The following EXOC8 variants were observed in gnomAD, a reference collection of about 807,000 sequenced individuals.
EXOC8 encodes exocyst complex 84 kDa subunit.
In EXOC8, 19 loss-of-function variants were observed where a neutral mutation model predicts 50.8. The ratio of observed to expected loss-of-function variants is 0.37; its 90% CI spans 0.26 to 0.55. The LOEUF (loss-of-function observed/expected upper bound fraction) is 0.55. Among genes scored for constraint, EXOC8 ranks in the 20% least tolerant of loss-of-function variants. The probability of loss-of-function intolerance (pLI) is 0.80; values close to 1 mark genes in which losing one functional copy is unlikely to be tolerated. For missense variants in EXOC8, 781 were observed against 915.8 expected (o/e 0.85, Z 1.90); for synonymous variants, 384 against 367.9 (o/e 1.04, Z -0.50).
In EXOC8 at chr1:231,336,768, C is replaced by T. The variant is rs200538583; in HGVS notation, c.978G>A (p.Glu326=). The T allele has an allele frequency of 5.3e-5, 86 of 1,614,068 alleles. No individual in the cohort carries two copies. The highest frequency in any genetic ancestry group is 1.6e-4 in the Middle Eastern group (1 of 6,084). ...CCATGGAGAGGTCCACCTTCTCTTC[C>T]TCTACCTCAGGAACAGCTGGTTCTT... ...EEEEPAVPEV[E]EEKVDLSMEW... The change falls in exon 1 of 1, where the codon GAG becomes GAA. Residue 326 remains glutamate (E), a synonymous_variant. Transcript: ENST00000366645. The surrounding 1 kb of genome is among the most constrained non-coding windows in gnomAD (Gnocchi z 5.4).
At position 231,337,266 on chromosome 1, in the gene EXOC8, G is replaced by A. The variant is rs1477727946; in HGVS notation, c.480C>T (p.Arg160=). 1 of 1,609,462 alleles carries A rather than the reference G, an allele frequency of 6.2e-7. No individual in the cohort carries two copies. Among genetic ancestry groups the A allele is most frequent in the South Asian group, 1.1e-5 (1 of 91,078 alleles). ...GSGPGEEGKQ[R]TLTTLLEKVE... ...CCTTCTCAAGCAGGGTGGTGAGAGT[G>A]CGCTGCTTTCCTTCCTCGCCTGGAC... Residue 160 remains arginine (R), a synonymous_variant, in exon 1 of 1, where the codon CGC becomes CGT. Transcript: ENST00000366645. The surrounding 1 kb of genome is among the most constrained non-coding windows in gnomAD (Gnocchi z 5.9).
Position 231,336,488 on chromosome 1 carries a change from G to A in EXOC8, c.1258C>T (p.Arg420Trp). The A allele has an allele frequency of 6.2e-7, 1 of 1,613,626 alleles. No homozygotes were observed. Among genetic ancestry groups the A allele is most frequent in the South Asian group, 1.1e-5 (1 of 91,016 alleles). ...ATRRAVSQLI[R>W]LGQCTKACEL... ...CAGGCCTTCGTGCACTGGCCCAGCCGGATCAGTTGCGAAACTGCTCTGCGA... is the reference window on the plus strand; with the variant it reads ...CAGGCCTTCGTGCACTGGCCCAGCCAGATCAGTTGCGAAACTGCTCTGCGA... The change falls in exon 1 of 1, where the codon CGG becomes TGG. Residue 420 changes from arginine (R) to tryptophan (W), a missense_variant. Transcript: ENST00000366645. The surrounding 1 kb of genome is among the most constrained non-coding windows in gnomAD (Gnocchi z 5.4).
chr1:231,337,846 C>G lies in EXOC8; in HGVS notation c.-101G>C, dbSNP rs1686723301. ...CAACCGAGCTCCTGGGCTGAGGAAG[C>G]AGGAATGGGAACGAGACGAGTACGC... On this transcript the variant is annotated 5_prime_UTR_variant, in exon 1 of 1. Coordinates refer to ENST00000366645, the MANE Select transcript of EXOC8 (RefSeq NM_175876.5). The surrounding 1 kb of genome is among the most constrained non-coding windows in gnomAD (Gnocchi z 5.9). 6.9e-7 allele frequency: 1 copy of G among 1,445,134 alleles called. No individual in the cohort carries two copies. The highest frequency in any genetic ancestry group is 1.4e-5 in the African/African-American group (1 of 69,756). 89.5% of individuals were successfully genotyped at this position (1,445,134 alleles called of 1,614,324 possible).
chr1:231,335,884 G>C lies in EXOC8; in HGVS notation c.1862C>G (p.Thr621Ser), dbSNP rs1382036983. The C allele has an allele frequency of 5.0e-6, 8 of 1,614,150 alleles. No individual in the cohort carries two copies. The highest frequency in any genetic ancestry group is 6.8e-6 in the Non-Finnish European group (8 of 1,180,028). Residue 621 changes from threonine (T) to serine (S), a missense_variant, in exon 1 of 1, where the codon ACC (threonine) becomes AGC (serine). By Grantham distance (58) the Thr-to-Ser change is moderately conservative. This residue lies in a region of EXOC8 where 700 missense variants were observed against 804.1 expected (regional missense o/e 0.87). Coordinates refer to ENST00000366645, the MANE Select transcript of EXOC8 (RefSeq NM_175876.5). ...VNLSYTVVAFTKQTMGFLEEA... is the reference protein window; with the variant it reads ...VNLSYTVVAFSKQTMGFLEEA... ...TTCCAAGAAGCCCATGGTCTGTTTG[G>C]TGAAAGCAACCACTGTGTAACTTAG...
Position 231,336,001 on chromosome 1 carries a change from G to A in EXOC8, c.1745C>T (p.Thr582Met), listed in dbSNP as rs764776171. The A allele has an allele frequency of 6.2e-7, 1 of 1,614,170 alleles. No individual in the cohort carries two copies. The highest frequency in any genetic ancestry group is 8.5e-7 in the Non-Finnish European group (1 of 1,180,036). Reference sequence around the variant, plus strand: ...TTTGAGCTTACCCAGGGCTTCTGGCGTCATCAAGTTCATCCTCCTCCACAT... The same window carrying A: ...TTTGAGCTTACCCAGGGCTTCTGGCATCATCAAGTTCATCCTCCTCCACAT... ...EEMWRRMNLM[T>M]PEALGKLKEE... Residue 582 changes from threonine (T) to methionine (M), a missense_variant, in exon 1 of 1, where the codon ACG (threonine) becomes ATG (methionine). By Grantham distance (81) the Thr-to-Met change is moderately conservative. Transcript: ENST00000366645. This position sits in a 1 kb window ranked among gnomAD's most constrained non-coding sequence, Gnocchi z 5.4.
In EXOC8 at chr1:231,335,919, G is replaced by A. The variant is rs1350163494; in HGVS notation, c.1827C>T (p.Cys609=). 6.2e-7 allele frequency: 1 copy of A among 1,614,164 alleles called. No individual in the cohort carries two copies. The highest frequency in any genetic ancestry group is 1.6e-4 in the Middle Eastern group (1 of 6,062). Residue 609 remains cysteine, a synonymous_variant, in exon 1 of 1, where the codon TGC becomes TGT. Transcript: ENST00000366645. ...SNFEQYTGDD[C]WVNLSYTVVA... ...CCACTGTGTAACTTAGGTTCACCCAGCAGTCATCCCCTGTGTACTGCTCAA... is the reference window on the plus strand; with the variant it reads ...CCACTGTGTAACTTAGGTTCACCCAACAGTCATCCCCTGTGTACTGCTCAA...
At position 231,337,054 on chromosome 1, in the gene EXOC8, TAGAG is replaced by T; in HGVS notation, c.688_691del (p.Leu230IlefsTer3). On this transcript the variant is annotated frameshift_variant, in exon 1 of 1. Coordinates refer to ENST00000366645, the MANE Select transcript of EXOC8 (RefSeq NM_175876.5). LOFTEE classifies it high-confidence loss of function. The surrounding 1 kb of genome is among the most constrained non-coding windows in gnomAD (Gnocchi z 5.9). ...GACTACGGCCAAACCATCTAGGGAA[TAGAG>T]AGCGTTGTAGCGATACATCCCACGC... 1.9e-6 allele frequency: 3 copies of T among 1,613,988 alleles called. No homozygotes were observed. Among genetic ancestry groups the T allele is most frequent in the Non-Finnish European group, 2.5e-6 (3 of 1,180,014 alleles).
chr1:231,336,717 G>A lies in EXOC8; in HGVS notation c.1029C>T (p.Asp343=), dbSNP rs2102855414. 1 of 1,614,196 alleles carries A rather than the reference G, an allele frequency of 6.2e-7. No individual in the cohort carries two copies. Among genetic ancestry groups the A allele is most frequent in the South Asian group, 1.1e-5 (1 of 91,084 alleles). The change falls in exon 1 of 1, where the codon GAC becomes GAT. Residue 343 remains aspartate (D), a synonymous_variant. Coordinates refer to ENST00000366645, the MANE Select transcript of EXOC8 (RefSeq NM_175876.5). The surrounding 1 kb of genome is among the most constrained non-coding windows in gnomAD (Gnocchi z 5.4). ...SMEWIQELPE[D]LDVCIAQRDF... ...CTCTCTGCGCAATGCAGACATCCAG[G>A]TCTTCAGGTAACTCCTGGATCCATT...
At position 231,334,975 on chromosome 1, in the gene EXOC8, A is replaced by G. The variant is rs942357963; in HGVS notation, c.*593T>C. On this transcript the variant is annotated 3_prime_UTR_variant, in exon 1 of 1. Coordinates refer to ENST00000366645, the MANE Select transcript of EXOC8 (RefSeq NM_175876.5). ...AAACTTCACAACATAAACTCTATGT[A>G]TTTATAGATATTATGACTGCTGTAT... is the stretch of plus-strand genomic sequence containing the variant. 2 of 152,180 alleles carry G rather than the reference A, an allele frequency of 1.3e-5. No homozygotes were observed. The highest frequency in any genetic ancestry group is 1.3e-4 in the Admixed American group (2 of 15,256). The allele number at this position is 152,180 out of a possible 1,614,324, so 9.4% of individuals were successfully genotyped here. A position where few individuals can be genotyped will look rare whatever the true frequency, so the allele number is the denominator to read the frequency against.
Position 231,332,789 on chromosome 1 carries a change from A to C in EXOC8, c.*2779T>G, listed in dbSNP as rs1040787543. The C allele has an allele frequency of 6.6e-6, 1 of 152,214 alleles. No individual in the cohort carries two copies. Among genetic ancestry groups the C allele is most frequent in the African/African-American group, 2.4e-5 (1 of 41,460 alleles). 9.4% of individuals were successfully genotyped at this position (152,214 alleles called of 1,614,324 possible). A position where few individuals can be genotyped will look rare whatever the true frequency, so the allele number is the denominator to read the frequency against. Reference sequence around the variant, plus strand: ...ACAATTTTTAAGCTTTATTTTTATGAAACATTTCAGATTCCCTCATATCAC... The same window carrying C: ...ACAATTTTTAAGCTTTATTTTTATGCAACATTTCAGATTCCCTCATATCAC... On this transcript the variant is annotated 3_prime_UTR_variant, in exon 1 of 1. Transcript: ENST00000366645.
rs746491638 is a variant in EXOC8, at chr1:231,337,510, TAGG to T, written c.233_235del (p.Ser78del). Reference sequence around the variant, plus strand: ...GAGCTGGTACATCTCGCTCTCCAGGTAGGAGATCTCGCGGGCCGTCTCTATGAA... The same window carrying T: ...GAGCTGGTACATCTCGCTCTCCAGGTAGATCTCGCGGGCCGTCTCTATGAA... On this transcript the variant is annotated inframe_deletion, in exon 1 of 1. Coordinates refer to ENST00000366645, the MANE Select transcript of EXOC8 (RefSeq NM_175876.5). This position sits in a 1 kb window ranked among gnomAD's most constrained non-coding sequence, Gnocchi z 5.9. 1 of 1,613,438 alleles carries T rather than the reference TAGG, an allele frequency of 6.2e-7. No homozygotes were observed. The highest frequency in any genetic ancestry group is 2.2e-5 in the East Asian group (1 of 44,864).
Position 231,335,673 on chromosome 1 carries a change from T to C in EXOC8, c.2073A>G (p.Lys691=). The change falls in exon 1 of 1, where the codon AAA becomes AAG. Residue 691 remains lysine, a synonymous_variant. Coordinates refer to ENST00000366645, the MANE Select transcript of EXOC8 (RefSeq NM_175876.5). ...LYETVLPVVE[K]RFEEGVGKPA... is the part of the protein sequence containing the mutation. Reference sequence around the variant, plus strand: ...GTTTCCCCACACCTTCTTCAAACCTTTTCTCCACCACAGGGAGGACTGTTT... The same window carrying C: ...GTTTCCCCACACCTTCTTCAAACCTCTTCTCCACCACAGGGAGGACTGTTT... 1 of 1,614,192 alleles carries C rather than the reference T, an allele frequency of 6.2e-7. No homozygotes were observed. The highest frequency in any genetic ancestry group is 8.5e-7 in the Non-Finnish European group (1 of 1,180,028).
In EXOC8 at chr1:231,334,215, CTTCTT is replaced by C. The variant is rs930817913; in HGVS notation, c.*1348_*1352del. 1.3e-5 allele frequency: 2 copies of C among 152,162 alleles called. No individual in the cohort carries two copies. The highest frequency in any genetic ancestry group is 4.8e-5 in the African/African-American group (2 of 41,442). The allele number at this position is 152,162 out of a possible 1,614,324, so 9.4% of individuals were successfully genotyped here. A position where few individuals can be genotyped will look rare whatever the true frequency, so the allele number is the denominator to read the frequency against. ...CATTTTAGGAGTCACAGAAGGTTCT[CTTCTT>C]CCCTTTGTTTTGGGCACATTGTCTC... On this transcript the variant is annotated 3_prime_UTR_variant, in exon 1 of 1. Transcript: ENST00000366645.
In EXOC8 at chr1:231,337,623, G is replaced by A. The variant is rs1686713331; in HGVS notation, c.123C>T (p.Leu41=). 1.2e-6 allele frequency: 2 copies of A among 1,611,620 alleles called. No individual in the cohort carries two copies. The highest frequency in any genetic ancestry group is 8.5e-7 in the Non-Finnish European group (1 of 1,179,994). ...LSQQSDGDRD[L]QEHRQRIQAL... is the part of the protein sequence containing the mutation. ...CCTGGATGCGCTGCCGGTGCTCCTGGAGGTCCCGGTCCCCATCCGACTGCT... is the reference window on the plus strand; with the variant it reads ...CCTGGATGCGCTGCCGGTGCTCCTGAAGGTCCCGGTCCCCATCCGACTGCT... The change falls in exon 1 of 1, where the codon CTC becomes CTT. Residue 41 remains leucine (L), a synonymous_variant. Coordinates refer to ENST00000366645, the MANE Select transcript of EXOC8 (RefSeq NM_175876.5). The surrounding 1 kb of genome is among the most constrained non-coding windows in gnomAD (Gnocchi z 5.9).
chr1:231,336,663 A>G lies in EXOC8; in HGVS notation c.1083T>C (p.Asp361=). 1 of 1,614,160 alleles carries G rather than the reference A, an allele frequency of 6.2e-7. No homozygotes were observed. The highest frequency in any genetic ancestry group is 8.5e-7 in the Non-Finnish European group (1 of 1,180,036). The part of the protein sequence containing the change: ...RDFEGAVDLL[D]KLNHYLEDKP... ...TATCTTCCAGGTAATGGTTCAATTTATCCAGCAGGTCAACCGCCCCTTCAA... is the reference window on the plus strand; with the variant it reads ...TATCTTCCAGGTAATGGTTCAATTTGTCCAGCAGGTCAACCGCCCCTTCAA... The change falls in exon 1 of 1, where the codon GAT becomes GAC. Residue 361 remains aspartate, a synonymous_variant. Coordinates refer to ENST00000366645, the MANE Select transcript of EXOC8 (RefSeq NM_175876.5). The surrounding 1 kb of genome is among the most constrained non-coding windows in gnomAD (Gnocchi z 5.4).
Position 231,336,987 on chromosome 1 carries a change from C to G in EXOC8, c.759G>C (p.Leu253=), listed in dbSNP as rs775884170. The part of the protein sequence containing the change: ...DNPPMKDMFK[L]LMFPESRIFQ... ...AAATACGGCTCTCGGGGAACATAAG[C>G]AGCTTGAACATGTCCTTCATGGGCG... Residue 253 remains leucine (L), a synonymous_variant, in exon 1 of 1, where the codon CTG becomes CTC. Coordinates refer to ENST00000366645, the MANE Select transcript of EXOC8 (RefSeq NM_175876.5). The surrounding 1 kb of genome is among the most constrained non-coding windows in gnomAD (Gnocchi z 5.4). 8.1e-6 allele frequency: 13 copies of G among 1,614,170 alleles called. No homozygotes were observed. Among genetic ancestry groups the G allele is most frequent in the Non-Finnish European group, 1.1e-5 (13 of 1,180,042 alleles).
chr1:231,337,837 C>T lies in EXOC8; in HGVS notation c.-92G>A. On this transcript the variant is annotated 5_prime_UTR_variant, in exon 1 of 1. Coordinates refer to ENST00000366645, the MANE Select transcript of EXOC8 (RefSeq NM_175876.5). This position sits in a 1 kb window ranked among gnomAD's most constrained non-coding sequence, Gnocchi z 5.9. ...ACCCAAGGCCAACCGAGCTCCTGGGCTGAGGAAGCAGGAATGGGAACGAGA... is the reference window on the plus strand; with the variant it reads ...ACCCAAGGCCAACCGAGCTCCTGGGTTGAGGAAGCAGGAATGGGAACGAGA... 2 of 1,474,026 alleles carry T rather than the reference C, an allele frequency of 1.4e-6. No homozygotes were observed. The highest frequency in any genetic ancestry group is 1.8e-6 in the Non-Finnish European group (2 of 1,101,284). 91.3% of individuals were successfully genotyped at this position (1,474,026 alleles called of 1,614,324 possible).
rs750285087 is a variant in EXOC8 at position 231,337,366 on chromosome 1, G to C, written c.380C>G (p.Ala127Gly). ...ASGGEEGVGG[A>G]GGRDHLRGQA... ...GCCTCGGAGGTGGTCTCGGCCCCCC[G>C]CCCCACCGACTCCCTCCTCCCCTCC... is the stretch of plus-strand genomic sequence containing the variant. The change falls in exon 1 of 1, where the codon GCG (alanine) becomes GGG (glycine). Residue 127 changes from alanine (A) to glycine (G), a missense_variant. By Grantham distance (60) the Ala-to-Gly change is moderately conservative. Transcript: ENST00000366645. The surrounding 1 kb of genome is among the most constrained non-coding windows in gnomAD (Gnocchi z 5.9). 1.7e-5 allele frequency: 27 copies of C among 1,601,960 alleles called. No individual in the cohort carries two copies. Among genetic ancestry groups the C allele is most frequent in the Non-Finnish European group, 2.1e-5 (25 of 1,179,508 alleles).
rs947325260 is a variant in EXOC8 at position 231,337,238 on chromosome 1, C to T, written c.508G>A (p.Glu170Lys). The T allele has an allele frequency of 2.5e-6, 4 of 1,612,838 alleles. No homozygotes were observed. The highest frequency in any genetic ancestry group is 3.4e-6 in the Non-Finnish European group (4 of 1,180,006). The change falls in exon 1 of 1, where the codon GAA (glutamate) becomes AAA (lysine). Residue 170 changes from glutamate (E) to lysine (K), a missense_variant. By Grantham distance (56) the Glu-to-Lys change is moderately conservative. Around this residue, in one of 3 missense-constraint regions of EXOC8, gnomAD observed 700 missense variants for 804.1 expected, o/e 0.87. Coordinates refer to ENST00000366645, the MANE Select transcript of EXOC8 (RefSeq NM_175876.5). This position sits in a 1 kb window ranked among gnomAD's most constrained non-coding sequence, Gnocchi z 5.9. ...RTLTTLLEKV[E>K]GCRHLLETPG... ...GTCTCCAGCAGATGCCTGCAGCCTT[C>T]CACCTTCTCAAGCAGGGTGGTGAGA...
Sources: gnomAD v4.1 joint callset for allele counts on GRCh38, gnomAD v4.1.1 for gene constraint, gnomAD v4.1.1 regional missense constraint, Gnocchi (gnomAD v3.1) non-coding constraint, MANE v1.5 for transcripts, NCBI Gene and HGNC (gene_info 2026-07-23, HGNC 2026-07-21) for gene names.